SPTLC3: variants seen among roughly 807,000 people sequenced by gnomAD.
The protein encoded by SPTLC3 is serine palmitoyltransferase 3.
Under a neutral mutation model 59.3 loss-of-function variants are expected in SPTLC3, and 36 were observed. That is an observed-to-expected ratio of 0.61 (90% CI 0.47 to 0.80). The LOEUF (loss-of-function observed/expected upper bound fraction) is 0.80, where lower values mean the gene tolerates loss of function less well. SPTLC3 is among the 30% of genes least tolerant of loss of function. The probability of loss-of-function intolerance (pLI) is 0.00; values close to 1 mark genes in which losing one functional copy is unlikely to be tolerated. For missense variants in SPTLC3, 625 were observed against 685.1 expected (o/e 0.91, Z 0.98); for synonymous variants, 257 against 240.8 (o/e 1.07, Z -0.62).
At chr20:13,078,887 C>G (rs1339062701) in intron 4 of SPTLC3, among the ~76,000 whole-genome samples, 1 of 152,026 alleles carries the variant, frequency 6.6e-6, no homozygotes, top group Non-Finnish European at 1.5e-5. Flanking sequence ...CTCCACTTTA[C>G]ATATTTAAGT....
chr20:13,073,900 T>G (rs761163201), intron 3 of SPTLC3: 35 of 553,184 alleles, frequency 6.3e-5, no homozygotes, highest in Non-Finnish European at 1.1e-4. Context: ...TGTTTGTTGG[T>G]TCCCAGAGAT....
At chr20:13,010,099 G>T (rs1005389269) in intron 1 of SPTLC3, among the ~76,000 whole-genome samples, 1 of 151,730 alleles carries the variant, frequency 6.6e-6, no homozygotes, top group Non-Finnish European at 1.5e-5. Context: ...TAGGCAGGAG[G>T]AACTCGAGGA....
intron 1 of SPTLC3, among the ~76,000 whole-genome samples, chr20:13,011,168 T>A (rs948886636): frequency 1.3e-5 from 2 of 152,174 alleles, no homozygotes; most frequent in Non-Finnish European, 2.9e-5. Flanking sequence ...GAGATCATAG[T>A]GTAATAGGGC....
intron 11 of SPTLC3, among the ~76,000 whole-genome samples, chr20:13,163,016 A>C (rs1468985688): frequency 6.6e-6 from 1 of 152,158 alleles, no homozygotes; most frequent in Non-Finnish European, 1.5e-5. Flanking sequence ...ATGCAATACC[A>C]ATATATTACG....
At chr20:13,089,725 G>A (rs1186982548) in intron 4 of SPTLC3, among the ~76,000 whole-genome samples, 1 of 147,694 alleles carries the variant, frequency 6.8e-6, no homozygotes, top group Non-Finnish European at 1.5e-5. Context: ...GGCTGAGGTT[G>A]CAGTGAGTCA....
chr20:13,124,469 G>A (rs1012056693), intron 8 of SPTLC3, among the ~76,000 whole-genome samples: 4 of 151,618 alleles, frequency 2.6e-5, no homozygotes, highest in African/African-American at 9.7e-5. Flanking sequence ...AGAAGGGAAG[G>A]GGAAGGAAGG....
At chr20:13,064,639 C>T (rs1289951326) in intron 2 of SPTLC3, among the ~76,000 whole-genome samples, 3 of 152,126 alleles carry the variant, frequency 2.0e-5, no homozygotes, top group Non-Finnish European at 2.9e-5. Flanking sequence ...AAATGTTGAC[C>T]TATTTTCCTA....
intron 8 of SPTLC3, among the ~76,000 whole-genome samples, chr20:13,120,509 C>T (rs970770504): frequency 7.9e-5 from 12 of 152,080 alleles, no homozygotes; most frequent in Non-Finnish European, 1.5e-4. Context: ...GAGATAAAAA[C>T]ATCTGGCTCT....
chr20:13,110,420 T>G (rs1192583288), intron 7 of SPTLC3, among the ~76,000 whole-genome samples: 1 of 152,198 alleles, frequency 6.6e-6, no homozygotes, highest in Non-Finnish European at 1.5e-5. Context: ...GCACAGCAGC[T>G]TGGAGGCTGG....
intron 1 of SPTLC3, among the ~76,000 whole-genome samples, chr20:13,027,673 A>G (rs186154909): frequency 0.057 from 8,336 of 145,194 alleles, 281 homozygotes; most frequent in South Asian, 0.086. Context: ...ACACACACAC[A>G]CACACACGCA....
chr20:13,081,536 A>G (rs1600260643), intron 4 of SPTLC3, among the ~76,000 whole-genome samples: 1 of 152,226 alleles, frequency 6.6e-6, no homozygotes, highest in Non-Finnish European at 1.5e-5. Flanking sequence ...TATATTTTAA[A>G]TAAATATATT....
At chr20:13,135,865 G>A (rs1404715790) in intron 9 of SPTLC3, among the ~76,000 whole-genome samples, 1 of 152,174 alleles carries the variant, frequency 6.6e-6, no homozygotes, top group African/African-American at 2.4e-5. Flanking sequence ...TCAGTGCCAG[G>A]CTGGTGGGAT....
At chr20:13,031,706 C>T (rs559921575) in intron 1 of SPTLC3, among the ~76,000 whole-genome samples, 1 of 152,242 alleles carries the variant, frequency 6.6e-6, no homozygotes, top group East Asian at 1.9e-4. Flanking sequence ...AACACAGGTA[C>T]ACGCACGTGG....
chr20:13,062,242 C>G (rs1332763944), intron 2 of SPTLC3, among the ~76,000 whole-genome samples: 1 of 152,188 alleles, frequency 6.6e-6, no homozygotes, highest in Non-Finnish European at 1.5e-5. Flanking sequence ...ATCTAAATAT[C>G]TTCTGGCTAA....
At chr20:13,084,496 C>A (rs918715312) in intron 4 of SPTLC3, among the ~76,000 whole-genome samples, 3 of 152,248 alleles carry the variant, frequency 2.0e-5, no homozygotes, top group Admixed American at 6.5e-5. Context: ...GACCGTGGAA[C>A]CTCCAAGGGG....
chr20:13,166,015 C>T lies in SPTLC3; in HGVS notation c.*1148C>T, dbSNP rs1018935014. 1 of 152,566 alleles carries T rather than the reference C, an allele frequency of 6.6e-6. No individual in the cohort carries two copies. The allele number at this position is 152,566 out of a possible 1,614,324, so 9.5% of individuals were successfully genotyped here. A position where few individuals can be genotyped will look rare whatever the true frequency, so the allele number is the denominator to read the frequency against. On this transcript the variant is annotated 3_prime_UTR_variant, in exon 12 of 12. Coordinates refer to ENST00000399002, the MANE Select transcript of SPTLC3 (RefSeq NM_018327.4). ...AACACAAACCTCTATGGAAAAGTAG[C>T]CTCTTGTTAATCTGATCTAGTTTGT... is the stretch of plus-strand genomic sequence containing the variant.
At chr20:13,125,629 G>T (rs1325178196) in intron 8 of SPTLC3, among the ~76,000 whole-genome samples, 1 of 152,216 alleles carries the variant, frequency 6.6e-6, no homozygotes, top group East Asian at 1.9e-4. Flanking sequence ...TGTTGAGTCA[G>T]CAGGGCACTG....
At chr20:13,110,724 T>C (rs554132937) in intron 7 of SPTLC3, among the ~76,000 whole-genome samples, 1 of 152,204 alleles carries the variant, frequency 6.6e-6, no homozygotes, top group East Asian at 1.9e-4. Flanking sequence ...GGGGTGCAAT[T>C]CTTGTTCCAG....
chr20:13,039,979 A>G (rs1401610685), intron 1 of SPTLC3, among the ~76,000 whole-genome samples: 1 of 152,004 alleles, frequency 6.6e-6, no homozygotes, highest in African/African-American at 2.4e-5. Flanking sequence ...ACTATGTTGT[A>G]CAATTTTATG....
Sources: allele counts gnomAD v4.1 joint callset (sites outside exome capture counted in the v4.1 genomes callset), GRCh38; gene constraint gnomAD v4.1.1; transcripts MANE v1.5; gene names NCBI Gene and HGNC (gene_info 2026-07-23, HGNC 2026-07-21).